The following MOXD1 variants were observed in gnomAD, a reference collection of about 807,000 sequenced individuals.
MOXD1 encodes monooxygenase DBH like 1, also known as DBH-like monooxygenase protein 1.
Under a neutral mutation model 66.6 loss-of-function variants are expected in MOXD1, and 62 were observed. That is an observed-to-expected ratio of 0.93 (90% CI 0.76 to 1.15). MOXD1 has a LOEUF of 1.15. MOXD1 is among the 50% of genes most tolerant of loss of function. The probability of loss-of-function intolerance (pLI) is 0.00; values close to 1 mark genes in which losing one functional copy is unlikely to be tolerated. For synonymous variants in MOXD1, 303 were observed against 281.9 expected, an observed-to-expected ratio of 1.07 and a Z score of -0.75; for missense variants, 847 against 754.6, an observed-to-expected ratio of 1.12 and a Z score of -1.44.
chr6:132,375,652 C>T (rs766218136), intron 1 of MOXD1, among the ~76,000 whole-genome samples: 1 of 152,102 alleles, frequency 6.6e-6, no homozygotes, highest in Non-Finnish European at 1.5e-5. Flanking sequence ...GATCTCCTGA[C>T]CTCGTGATCT....
chr6:132,382,508 T>C (rs1389157928), intron 1 of MOXD1, among the ~76,000 whole-genome samples: 1 of 152,118 alleles, frequency 6.6e-6, no homozygotes, highest in Non-Finnish European at 1.5e-5. Context: ...GTTTTGTGGA[T>C]TATATTGATT....
chr6:132,399,191 T>C (rs1776965568), intron 1 of MOXD1, among the ~76,000 whole-genome samples: 1 of 152,200 alleles, frequency 6.6e-6, no homozygotes, highest in South Asian at 2.1e-4. Context: ...TTTAATTGAA[T>C]AGCATAATTT....
chr6:132,300,200 C>A (rs1774501690), intron 10 of MOXD1, among the ~76,000 whole-genome samples: 1 of 152,044 alleles, frequency 6.6e-6, no homozygotes. Flanking sequence ...GAGCAATCAG[C>A]ATTGCATTAC....
intron 4 of MOXD1, among the ~76,000 whole-genome samples, chr6:132,368,326 A>C (rs1776186281): frequency 6.6e-6 from 1 of 152,084 alleles, no homozygotes. Flanking sequence ...TGGGCTGCAG[A>C]GTGGTCTCGA....
At chr6:132,385,717 C>A (rs912929146) in intron 1 of MOXD1, among the ~76,000 whole-genome samples, 1 of 151,936 alleles carries the variant, frequency 6.6e-6, no homozygotes, top group African/African-American at 2.4e-5. Context: ...CTCTGGAACT[C>A]CTGACCTCAA....
At chr6:132,372,724 G>A in intron 3 of MOXD1, 33 bp from the exon 4 acceptor site, 1 of 1,608,502 alleles carries the variant, frequency 6.2e-7, no homozygotes, top group East Asian at 2.2e-5. Context: ...AAGACACAAA[G>A]TCACCTTCTC....
chr6:132,361,318 C>CAA (rs202139650), intron 4 of MOXD1, among the ~76,000 whole-genome samples: 1,399 of 133,752 alleles, frequency 0.01, 17 homozygotes, highest in African/African-American at 0.033. Flanking sequence ...CCATTTTCAC[C>CAA]AAAAAAAAAA....
intron 2 of MOXD1, 92 bp from the exon 3 acceptor site, chr6:132,373,089 T>A (rs757945098): frequency 5.7e-6 from 7 of 1,233,056 alleles, no homozygotes; most frequent in Non-Finnish European, 7.7e-6. Context: ...AAACAAGATA[T>A]AGAAGTGAAG....
chr6:132,397,793 A>C (rs904078321), intron 1 of MOXD1, among the ~76,000 whole-genome samples: 8 of 152,190 alleles, frequency 5.3e-5, no homozygotes, highest in African/African-American at 1.9e-4. Flanking sequence ...ATTCCTTTTT[A>C]ACAGTAATTC....
At chr6:132,363,890 C>A (rs1776064876) in intron 4 of MOXD1, among the ~76,000 whole-genome samples, 1 of 150,566 alleles carries the variant, frequency 6.6e-6, no homozygotes, top group Non-Finnish European at 1.5e-5. Context: ...TCTTAGTATT[C>A]TTTCAATAAA....
chr6:132,375,208 C>T (rs1318756722), intron 1 of MOXD1: 1 of 201,412 alleles, frequency 5.0e-6, no homozygotes, highest in African/African-American at 2.3e-5. Context: ...CTGGTGGAGC[C>T]CCACTTCACC....
At chr6:132,340,018 C>T (rs1035550060) in intron 4 of MOXD1, among the ~76,000 whole-genome samples, 1 of 152,014 alleles carries the variant, frequency 6.6e-6, no homozygotes, top group South Asian at 2.1e-4. Flanking sequence ...TACAGGCATG[C>T]ACCACCACAC....
intron 1 of MOXD1, among the ~76,000 whole-genome samples, chr6:132,380,613 A>G (rs1776487888): frequency 6.6e-6 from 1 of 152,178 alleles, no homozygotes; most frequent in South Asian, 2.1e-4. Flanking sequence ...CATGCAATCT[A>G]TTTTAGGCAT....
chr6:132,307,951 A>G (rs1356140280), intron 10 of MOXD1, among the ~76,000 whole-genome samples: 2 of 152,210 alleles, frequency 1.3e-5, no homozygotes, highest in East Asian at 3.8e-4. Context: ...CATCACAGTT[A>G]AAAGAGATAG....
chr6:132,382,889 G>A (rs1186738852), intron 1 of MOXD1, among the ~76,000 whole-genome samples: 2 of 152,268 alleles, frequency 1.3e-5, no homozygotes, highest in Non-Finnish European at 2.9e-5. Context: ...TGACACAGAT[G>A]TTAAATTGGT....
intron 4 of MOXD1, among the ~76,000 whole-genome samples, chr6:132,363,664 T>G (rs1482857071): frequency 1.3e-5 from 2 of 152,216 alleles, no homozygotes; most frequent in African/African-American, 4.8e-5. Flanking sequence ...AAGCTTGCTG[T>G]GTCTCAGTGT....
At chr6:132,387,810 T>C (rs1378637015) in intron 1 of MOXD1, among the ~76,000 whole-genome samples, 1 of 144,178 alleles carries the variant, frequency 6.9e-6, no homozygotes, top group Non-Finnish European at 1.5e-5. Context: ...TTTAGGATTA[T>C]AACTAATTCA....
chr6:132,297,408 G>A lies in MOXD1; in HGVS notation c.1678-91C>T, dbSNP rs41286162. On this transcript the variant is annotated intron_variant, in intron 11 of 11. Coordinates refer to ENST00000367963, the MANE Select transcript of MOXD1 (RefSeq NM_015529.4). ...CTCAGCTGCCCACACTTCTGCAGGG[G>A]ATAAAGGGGGCAGGAGTGGTTACCA... is the stretch of plus-strand genomic sequence containing the variant. The A allele has an allele frequency of 5.2e-5, 69 of 1,334,756 alleles. 1 individual carries two copies. In the South Asian group the frequency reaches 7.9e-4, roughly 15 times the overall value. 82.7% of individuals were successfully genotyped at this position (1,334,756 alleles called of 1,614,324 possible). A position where few individuals can be genotyped will look rare whatever the true frequency, so the allele number is the denominator to read the frequency against.
intron 4 of MOXD1, among the ~76,000 whole-genome samples, chr6:132,340,723 T>G (rs1238998458): frequency 1.4e-5 from 2 of 140,288 alleles, no homozygotes; most frequent in South Asian, 4.8e-4. Context: ...CTCTGCTCAC[T>G]GCAAGCTCCG....
Sources: gnomAD v4.1 joint callset for allele counts (sites outside exome capture counted in the v4.1 genomes callset) on GRCh38, gnomAD v4.1.1 for gene constraint, MANE v1.5 for transcripts, NCBI Gene and HGNC (gene_info 2026-07-23, HGNC 2026-07-21) for gene names.